The following MALRD1 variants were observed in gnomAD, a reference collection of about 807,000 sequenced individuals.
MALRD1 encodes the protein MAM and LDL receptor class A domain containing 1.
A neutral mutation model predicts 242.1 loss-of-function variants in MALRD1; 247 were observed. The observed-to-expected ratio is 1.02, with a 90% CI of 0.92 to 1.13. The LOEUF is 1.13. Among genes scored for constraint, MALRD1 ranks in the 50% most tolerant of loss-of-function variants. The pLI is 0.00. For synonymous variants in MALRD1, 995 were observed against 866.6 expected, an observed-to-expected ratio of 1.15 and a Z score of -2.60; for missense variants, 2,989 against 2,533.1, an observed-to-expected ratio of 1.18 and a Z score of -3.86.
intron 18 of MALRD1, among the ~76,000 whole-genome samples, chr10:19,216,492 T>C (rs1355350238): frequency 6.6e-6 from 1 of 152,210 alleles, no homozygotes; most frequent in Non-Finnish European, 1.5e-5. Flanking sequence ...CCCCACTCCC[T>C]GTTTCCTTCC....
chr10:19,240,604 CTAAA>C (rs1487366884), intron 18 of MALRD1, among the ~76,000 whole-genome samples: 1 of 151,950 alleles, frequency 6.6e-6, no homozygotes, highest in Non-Finnish European at 1.5e-5. Flanking sequence ...CAGTACTATG[CTAAA>C]TAGAAGTGGT....
intron 32 of MALRD1, among the ~76,000 whole-genome samples, chr10:19,559,445 AT>A (rs1835866938): frequency 6.6e-6 from 1 of 152,070 alleles, no homozygotes; most frequent in South Asian, 2.1e-4. Context: ...GCTTCACTTC[AT>A]CCCATATACT....
chr10:19,127,133 A>C (rs890245598), intron 7 of MALRD1, among the ~76,000 whole-genome samples: 1 of 152,160 alleles, frequency 6.6e-6, no homozygotes, highest in African/African-American at 2.4e-5. Context: ...TATATGTACC[A>C]CATTTCCTTT....
At chr10:19,594,966 TC>T (rs1470420913) in intron 33 of MALRD1, among the ~76,000 whole-genome samples, 4 of 151,946 alleles carry the variant, frequency 2.6e-5, no homozygotes, top group Non-Finnish European at 5.9e-5. Context: ...AACCACCTGT[TC>T]CCCCCAAATT....
At chr10:19,257,031 A>G (rs905611228) in intron 18 of MALRD1, among the ~76,000 whole-genome samples, 2 of 152,168 alleles carry the variant, frequency 1.3e-5, no homozygotes, top group East Asian at 1.9e-4. Context: ...ACAATCTACC[A>G]TATACTACAG....
chr10:19,583,956 A>T (rs1026259912), intron 33 of MALRD1, among the ~76,000 whole-genome samples: 5 of 151,826 alleles, frequency 3.3e-5, no homozygotes, highest in Non-Finnish European at 7.4e-5. Context: ...GTCTTGGGAG[A>T]GTGTGTGTGT....
intron 5 of MALRD1, among the ~76,000 whole-genome samples, chr10:19,106,607 T>C (rs1836473760): frequency 6.6e-6 from 1 of 151,918 alleles, no homozygotes; most frequent in African/African-American, 2.4e-5. Context: ...GTCTTTGGTA[T>C]TGCTTTGTTT....
chr10:19,678,740 A>G, intron 36 of MALRD1, among the ~76,000 whole-genome samples: 1 of 152,148 alleles, frequency 6.6e-6, no homozygotes, highest in East Asian at 1.9e-4. Flanking sequence ...TTTCAAAGGG[A>G]ATGCTTCCAG....
At chr10:19,094,598 G>A (rs1316977008) in intron 4 of MALRD1, among the ~76,000 whole-genome samples, 1 of 151,862 alleles carries the variant, frequency 6.6e-6, no homozygotes, top group Non-Finnish European at 1.5e-5. Flanking sequence ...GTTCCTATTT[G>A]GCCATCTTGG....
chr10:19,237,836 T>C (rs1838435433), intron 18 of MALRD1, among the ~76,000 whole-genome samples: 1 of 124,526 alleles, frequency 8.0e-6, no homozygotes, highest in South Asian at 2.4e-4. Flanking sequence ...TAATTATAAT[T>C]ATATATAATT....
chr10:19,734,211 G>T lies in MALRD1; in HGVS notation c.6445G>T (p.Glu2149Ter). 1 of 1,535,930 alleles carries T rather than the reference G, an allele frequency of 6.5e-7. No homozygotes were observed. The highest frequency in any genetic ancestry group is 8.7e-7 in the Non-Finnish European group (1 of 1,146,766). The change falls in exon 40 of 40, where the codon GAG becomes TAG. Residue 2149 changes from glutamate (E) to a stop codon, truncating the protein, a stop_gained. Transcript: ENST00000454679. LOFTEE classifies it high-confidence loss of function. ...PLYGTTSGSLETLSHHLK is the reference protein window; with the variant it reads ...PLYGTTSGSL The stretch of plus-strand genomic sequence containing the variant: ...ATATGGCACAACATCAGGAAGCCTG[G>T]AGACCCTGTCACATCATCTCAAATA...
chr10:19,333,498 T>C (rs1843477276), intron 24 of MALRD1, among the ~76,000 whole-genome samples: 1 of 152,168 alleles, frequency 6.6e-6, no homozygotes, highest in Admixed American at 6.6e-5. Context: ...TATGACTGTG[T>C]ATTATTCCGT....
At chr10:19,493,743 G>C (rs1232776401) in intron 30 of MALRD1, among the ~76,000 whole-genome samples, 1 of 152,030 alleles carries the variant, frequency 6.6e-6, no homozygotes, top group South Asian at 2.1e-4. Context: ...AACCTGGGAG[G>C]TGGAGGTTGC....
At chr10:19,211,222 C>T (rs1019055435) in intron 18 of MALRD1, among the ~76,000 whole-genome samples, 4 of 152,046 alleles carry the variant, frequency 2.6e-5, no homozygotes, top group Admixed American at 6.6e-5. Context: ...GGAACACTTT[C>T]GTCATGAACC....
intron 1 of MALRD1, among the ~76,000 whole-genome samples, chr10:19,058,587 G>A (rs1196727137): frequency 1.3e-5 from 2 of 152,068 alleles, no homozygotes; most frequent in Admixed American, 1.3e-4. Context: ...AAAAGTTTCA[G>A]TATATCAAAA....
intron 28 of MALRD1, among the ~76,000 whole-genome samples, chr10:19,395,248 T>C (rs1167976151): frequency 1.4e-4 from 21 of 152,222 alleles, no homozygotes. Flanking sequence ...TAAGGACGTG[T>C]GCCCATGACA....
At chr10:19,584,234 C>T (rs1837279045) in intron 33 of MALRD1, among the ~76,000 whole-genome samples, 1 of 151,972 alleles carries the variant, frequency 6.6e-6, no homozygotes, top group South Asian at 2.1e-4. Flanking sequence ...TTCAGTTCTG[C>T]TCTGATTTTG....
rs925538751 is a variant in MALRD1 at position 19,320,907 on chromosome 10, T to A, written c.3420-3042T>A. Reference sequence around the variant, plus strand: ...GTGTCTATTCATATCCTGTGCCTACTTTTTGATGGGGTTGTTTTTTTTCTT... The same window carrying A: ...GTGTCTATTCATATCCTGTGCCTACATTTTGATGGGGTTGTTTTTTTTCTT... On this transcript the variant is annotated intron_variant, in intron 21 of 39. Transcript: ENST00000454679. Among the ~76,000 whole-genome samples, 6 of 152,156 alleles carry A rather than the reference T, an allele frequency of 3.9e-5. 1 individual carries two copies. The highest frequency in any genetic ancestry group is 3.9e-4 in the Admixed American group (6 of 15,268).
At chr10:19,696,666 G>A (rs933204982) in intron 38 of MALRD1, among the ~76,000 whole-genome samples, 1 of 152,020 alleles carries the variant, frequency 6.6e-6, no homozygotes, top group East Asian at 1.9e-4. Flanking sequence ...CAGCACTTTG[G>A]GAGGCCAAGA....
Sources: gnomAD v4.1 joint callset for allele counts (sites outside exome capture counted in the v4.1 genomes callset) on GRCh38, gnomAD v4.1.1 for gene constraint, MANE v1.5 for transcripts, NCBI Gene and HGNC (gene_info 2026-07-23, HGNC 2026-07-21) for gene names.